The following SCFD2 variants were observed in gnomAD, a reference collection of about 807,000 sequenced individuals.
The protein encoded by SCFD2 is sec1 family domain-containing protein 2.
SCFD2 carries 54 observed loss-of-function variants against 58.9 expected under a neutral mutation model. The observed-to-expected ratio is 0.92, with a 90% CI of 0.74 to 1.15. The LOEUF (loss-of-function observed/expected upper bound fraction) is 1.15, where lower values mean the gene tolerates loss of function less well. SCFD2 is among the 50% of genes most tolerant of loss of function. The pLI is 0.00. For synonymous variants in SCFD2, 321 were observed against 335.9 expected (o/e 0.96, Z 0.49); for missense variants, 805 against 836.6 (o/e 0.96, Z 0.47).
intron 3 of SCFD2, among the ~76,000 whole-genome samples, chr4:53,301,127 C>CA (rs1319131042): frequency 2.2e-4 from 34 of 151,994 alleles, no homozygotes; most frequent in South Asian, 1.0e-3. Flanking sequence ...AATAGAGACA[C>CA]AAAAAACCCT....
chr4:53,285,564 A>G (rs1560428274), intron 3 of SCFD2, among the ~76,000 whole-genome samples: 1 of 151,976 alleles, frequency 6.6e-6, no homozygotes. Flanking sequence ...CATCTCCCCA[A>G]CAAAAAAGAA....
At chr4:52,915,816 A>G (rs572094655) in intron 6 of SCFD2, among the ~76,000 whole-genome samples, 85 of 152,360 alleles carry the variant, frequency 5.6e-4, no homozygotes, top group African/African-American at 1.9e-3. Flanking sequence ...AGATGCTAGC[A>G]GTTCTGTTAG....
At chr4:53,270,663 G>A (rs1382907275) in intron 4 of SCFD2, among the ~76,000 whole-genome samples, 1 of 152,188 alleles carries the variant, frequency 6.6e-6, no homozygotes, top group Non-Finnish European at 1.5e-5. Flanking sequence ...AATGCAAGGT[G>A]TTGGATCCAT....
intron 4 of SCFD2, among the ~76,000 whole-genome samples, chr4:53,234,816 G>C (rs1300188484): frequency 6.6e-6 from 1 of 152,160 alleles, no homozygotes; most frequent in African/African-American, 2.4e-5. Flanking sequence ...GCAACAAAAG[G>C]TGACCATATT....
At chr4:52,931,716 G>A (rs1052698816) in intron 5 of SCFD2, among the ~76,000 whole-genome samples, 5 of 152,226 alleles carry the variant, frequency 3.3e-5, no homozygotes, top group African/African-American at 1.2e-4. Flanking sequence ...GTTTCAGAAT[G>A]AATGGGCCAG....
intron 5 of SCFD2, among the ~76,000 whole-genome samples, chr4:52,994,338 G>A (rs1297337779): frequency 6.6e-6 from 1 of 152,190 alleles, no homozygotes; most frequent in Non-Finnish European, 1.5e-5. Context: ...TATGAGCGGG[G>A]AAGTGGAAAG....
chr4:53,291,243 C>T lies in SCFD2; in HGVS notation c.1136-17242G>A, dbSNP rs544798136. On this transcript the variant is annotated intron_variant, in intron 3 of 8. Transcript: ENST00000401642. ...TTAACAATACATCATAAAGATTATA[C>T]ATCATGAAAAAGTGAAATTTATCCC... 5.3e-5 allele frequency among the ~76,000 whole-genome samples: 8 copies of T among 152,120 alleles called. No homozygotes were observed. In the East Asian group the frequency reaches 5.8e-4, roughly 11 times the overall value.
chr4:53,317,324 C>G (rs1732896615), intron 2 of SCFD2, among the ~76,000 whole-genome samples: 1 of 151,874 alleles, frequency 6.6e-6, no homozygotes, highest in Non-Finnish European at 1.5e-5. Flanking sequence ...TTTTTTGTCT[C>G]CTGCACCCAC....
intron 5 of SCFD2, among the ~76,000 whole-genome samples, chr4:52,980,624 T>C (rs1013266575): frequency 6.6e-6 from 1 of 152,184 alleles, no homozygotes; most frequent in Non-Finnish European, 1.5e-5. Context: ...TTTCCAGCTT[T>C]GTCTCTGGCC....
intron 4 of SCFD2, among the ~76,000 whole-genome samples, chr4:53,207,174 TA>T (rs1463630102): frequency 2.0e-5 from 3 of 151,822 alleles, no homozygotes; most frequent in Non-Finnish European, 4.4e-5. Flanking sequence ...GTTTTGCCCT[TA>T]TGACCCAATT....
chr4:53,352,487 T>G (rs1288641053), intron 2 of SCFD2, 111 bp downstream of exon 2: 7 of 875,442 alleles, frequency 8.0e-6, no homozygotes, highest in Non-Finnish European at 1.2e-5. Context: ...ACTGTGAAAT[T>G]TTCAACCAGA....
intron 4 of SCFD2, among the ~76,000 whole-genome samples, chr4:53,185,148 A>G (rs531836285): frequency 2.6e-5 from 4 of 152,278 alleles, no homozygotes; most frequent in Non-Finnish European, 4.4e-5. Context: ...AAATATAGAG[A>G]GTAACAAAAT....
chr4:53,058,367 T>A (rs1723408590), intron 5 of SCFD2, among the ~76,000 whole-genome samples: 1 of 152,062 alleles, frequency 6.6e-6, no homozygotes, highest in South Asian at 2.1e-4. Flanking sequence ...TTTTAATATA[T>A]CAGACAGTCA....
At chr4:53,348,062 C>G (rs1056645802) in intron 2 of SCFD2, among the ~76,000 whole-genome samples, 25 of 152,216 alleles carry the variant, frequency 1.6e-4, no homozygotes, top group African/African-American at 5.1e-4. Flanking sequence ...CTGCCTACTT[C>G]TTGTTGAAAT....
intron 4 of SCFD2, among the ~76,000 whole-genome samples, chr4:53,234,835 T>C (rs188308702): frequency 2.6e-3 from 402 of 152,346 alleles, no homozygotes; most frequent in African/African-American, 9.2e-3. Context: ...TTAATTGGAA[T>C]GTAGTTCACC....
At chr4:53,343,569 T>G (rs542481719) in intron 2 of SCFD2, among the ~76,000 whole-genome samples, 1 of 152,054 alleles carries the variant, frequency 6.6e-6, no homozygotes, top group Non-Finnish European at 1.5e-5. Context: ...TTCCAACTGA[T>G]AGAAAAAGAG....
chr4:52,950,117 G>A (rs1006594587), intron 5 of SCFD2: 5 of 152,252 alleles, frequency 3.3e-5, no homozygotes, highest in African/African-American at 9.6e-5. Context: ...TGCCCAGAGA[G>A]TGGCACTAGC....
intron 5 of SCFD2, among the ~76,000 whole-genome samples, chr4:53,006,664 A>G (rs961420006): frequency 3.9e-5 from 6 of 152,226 alleles, no homozygotes; most frequent in African/African-American, 1.4e-4. Context: ...AGGCAAGCTT[A>G]AAATATAGAC....
intron 4 of SCFD2, among the ~76,000 whole-genome samples, chr4:53,183,666 A>T (rs970409336): frequency 6.4e-5 from 3 of 47,104 alleles, no homozygotes; most frequent in South Asian, 5.0e-4. Context: ...AATAAAATTA[A>T]AAAAAAAAAG....
Sources: allele counts gnomAD v4.1 joint callset (sites outside exome capture counted in the v4.1 genomes callset), GRCh38; gene constraint gnomAD v4.1.1; transcripts MANE v1.5; gene names NCBI Gene and HGNC (gene_info 2026-07-23, HGNC 2026-07-21).